The following NEMP2 variants were observed in gnomAD, a reference collection of about 807,000 sequenced individuals.
The protein encoded by NEMP2 is UPF0571 transmembrane protein.
In NEMP2, 53 loss-of-function variants were observed where a neutral mutation model predicts 54.2. That is an observed-to-expected ratio of 0.98 (90% CI 0.78 to 1.23). The LOEUF is 1.23. Among genes scored for constraint, NEMP2 ranks in the 50% most tolerant of loss-of-function variants. The probability of loss-of-function intolerance (pLI) is 0.00; values close to 1 mark genes in which losing one functional copy is unlikely to be tolerated. For missense variants in NEMP2, 455 were observed against 511.3 expected (o/e 0.89, Z 1.06); for synonymous variants, 197 against 190.3 (o/e 1.04, Z -0.29).
At chr2:190,537,432 C>T (rs764530240), upstream of NEMP2, among the ~76,000 whole-genome samples, 4 of 152,142 alleles carry the variant, frequency 2.6e-5, no homozygotes, top group African/African-American at 4.8e-5. Flanking sequence ...TGAAATCTGA[C>T]GGTTTTATAA....
chr2:190,473,795 A>C, the NEMP2 span, among the ~76,000 whole-genome samples: 24 of 152,130 alleles, frequency 1.6e-4, no homozygotes, highest in Non-Finnish European at 2.8e-4. Context: ...CCTATTCCAA[A>C]ATTGACCACA....
At position 190,531,931 on chromosome 2, in the gene NEMP2, A is replaced by G. The variant is rs1198184886; in HGVS notation, c.97+2628T>C. 6.6e-6 allele frequency among the ~76,000 whole-genome samples: 1 copy of G among 152,196 alleles called. No homozygotes were observed. The highest frequency in any genetic ancestry group is 1.5e-5 in the Non-Finnish European group (1 of 68,024). On this transcript the variant is annotated intron_variant, in intron 1 of 8. Coordinates refer to ENST00000409150, the MANE Select transcript of NEMP2 (RefSeq NM_001142645.2). This position sits in a 1 kb window ranked among gnomAD's most constrained non-coding sequence, Gnocchi z 4.7. ...GCAGAACCTAACTCCCAACACAAAA[A>G]TATCTCACCAATGTTCCTCCTGAAA...
Position 190,509,181 on chromosome 2 carries a change from G to A in NEMP2, c.*8C>T. On this transcript the variant is annotated 3_prime_UTR_variant, in exon 9 of 9. Coordinates refer to ENST00000409150, the MANE Select transcript of NEMP2 (RefSeq NM_001142645.2). This position sits in a 1 kb window ranked among gnomAD's most constrained non-coding sequence, Gnocchi z 6.1. ...TGTCCAGAATGAAGTCAACTTGAAG[G>A]TCGCATGTCAGGCAGTACTCGGGTT... 2 of 1,551,494 alleles carry A rather than the reference G, an allele frequency of 1.3e-6. No individual in the cohort carries two copies. The highest frequency in any genetic ancestry group is 1.7e-6 in the Non-Finnish European group (2 of 1,146,954).
the NEMP2 span, among the ~76,000 whole-genome samples, chr2:190,551,083 CTT>C: frequency 0.41 from 57,435 of 140,096 alleles, 12,607 homozygotes; most frequent in Non-Finnish European, 0.52. Flanking sequence ...AGCCAATGGA[CTT>C]TTTTTTTTTT....
the NEMP2 span, among the ~76,000 whole-genome samples, chr2:190,560,749 A>T: frequency 6.6e-6 from 1 of 152,210 alleles, no homozygotes. This position sits in a 1 kb window ranked among gnomAD's most constrained non-coding sequence, Gnocchi z 5.4. Flanking sequence ...CTTATTGTGC[A>T]TTTGGTTCAT....
At chr2:190,571,368 C>T in the NEMP2 span, among the ~76,000 whole-genome samples, 4 of 152,062 alleles carry the variant, frequency 2.6e-5, no homozygotes, top group Non-Finnish European at 5.9e-5. Context: ...CATGGTGAAA[C>T]ACTGTCTCTA....
At chr2:190,623,737 C>T in the NEMP2 span, among the ~76,000 whole-genome samples, 14 of 152,134 alleles carry the variant, frequency 9.2e-5, no homozygotes, top group African/African-American at 2.9e-4. Flanking sequence ...GGAAATGCTT[C>T]GGGACACTGG....
At chr2:190,556,078 A>G in the NEMP2 span, among the ~76,000 whole-genome samples, 1 of 152,390 alleles carries the variant, frequency 6.6e-6, no homozygotes, top group East Asian at 1.9e-4. Context: ...AAAATCCTCC[A>G]TAAAATACTG....
chr2:190,631,333 A>G, the NEMP2 span, among the ~76,000 whole-genome samples: 3 of 152,148 alleles, frequency 2.0e-5, no homozygotes, highest in African/African-American at 7.2e-5. Flanking sequence ...CTTTGCTACA[A>G]TCGTGTTGCA....
chr2:190,530,574 C>T lies in NEMP2; in HGVS notation c.97+3985G>A, dbSNP rs536715071. Among the ~76,000 whole-genome samples the T allele has an allele frequency of 6.6e-6, 1 of 152,284 alleles. No individual in the cohort carries two copies. The highest frequency in any genetic ancestry group is 1.9e-4 in the East Asian group (1 of 5,192). ...ACTGTTCTCTCTAGAGAGAACAGAT[C>T]TTCCAATCTTAGATTGATTATAAAG... is the stretch of plus-strand genomic sequence containing the variant. On this transcript the variant is annotated intron_variant, in intron 1 of 8. Coordinates refer to ENST00000409150, the MANE Select transcript of NEMP2 (RefSeq NM_001142645.2). This position sits in a 1 kb window ranked among gnomAD's most constrained non-coding sequence, Gnocchi z 4.6.
At chr2:190,497,488 T>C in the NEMP2 span, 1 of 1,614,194 alleles carries the variant, frequency 6.2e-7, no homozygotes, top group Non-Finnish European at 8.5e-7. The surrounding 1 kb of genome is among the most constrained non-coding windows in gnomAD (Gnocchi z 5.2). Context: ...GTCCCGTTCC[T>C]ATAGCAACCA....
chr2:190,497,582 G>T, the NEMP2 span: 1 of 1,614,156 alleles, frequency 6.2e-7, no homozygotes, highest in Non-Finnish European at 8.5e-7. This position sits in a 1 kb window ranked among gnomAD's most constrained non-coding sequence, Gnocchi z 5.2. Context: ...GCACCAGGAA[G>T]AACAGGAAGA....
chr2:190,640,683 T>C, the NEMP2 span, among the ~76,000 whole-genome samples: 2 of 152,140 alleles, frequency 1.3e-5, no homozygotes, highest in African/African-American at 2.4e-5. Context: ...GTAGGATATA[T>C]GCATTGTCCT....
the NEMP2 span, among the ~76,000 whole-genome samples, chr2:190,560,498 C>T: frequency 6.6e-6 from 1 of 152,182 alleles, no homozygotes; most frequent in Non-Finnish European, 1.5e-5. The surrounding 1 kb of genome is among the most constrained non-coding windows in gnomAD (Gnocchi z 5.4). Context: ...TAACAGCATA[C>T]ATAATGTAAA....
chr2:190,493,653 T>C, the NEMP2 span, among the ~76,000 whole-genome samples: 8 of 152,088 alleles, frequency 5.3e-5, no homozygotes, highest in East Asian at 1.9e-4. Context: ...TTTAAGAAAA[T>C]TGAAATTATA....
the NEMP2 span, among the ~76,000 whole-genome samples, chr2:190,616,243 CCCAAATA>C: frequency 6.6e-6 from 1 of 152,110 alleles, no homozygotes; most frequent in Admixed American, 6.5e-5. The surrounding 1 kb of genome is among the most constrained non-coding windows in gnomAD (Gnocchi z 5.1). Flanking sequence ...GGGGCATGGG[CCCAAATA>C]CTGAGGGGCA....
chr2:190,500,009 C>T, downstream of NEMP2: 5 of 1,614,068 alleles, frequency 3.1e-6, no homozygotes, highest in Middle Eastern at 1.6e-4. This position sits in a 1 kb window ranked among gnomAD's most constrained non-coding sequence, Gnocchi z 5.3. Context: ...TGTTTTTTAC[C>T]TCCAGGGGAC....
Position 190,507,353 on chromosome 2 carries a change from G to C in NEMP2, c.*1836C>G, listed in dbSNP as rs1415417203. The C allele has an allele frequency of 6.6e-6, 1 of 152,182 alleles. No homozygotes were observed. Among genetic ancestry groups the C allele is most frequent in the Admixed American group, 6.5e-5 (1 of 15,272 alleles). 9.4% of individuals were successfully genotyped at this position (152,182 alleles called of 1,614,324 possible). A position where few individuals can be genotyped will look rare whatever the true frequency, so the allele number is the denominator to read the frequency against. On this transcript the variant is annotated 3_prime_UTR_variant, in exon 9 of 9. Transcript: ENST00000409150. The surrounding 1 kb of genome is among the most constrained non-coding windows in gnomAD (Gnocchi z 4.4). ...ACCTCTTCCCCCTGGCCCAGCGGCT[G>C]TCCTGGCTGGGATGTACCTGGCAGC...
the NEMP2 span, among the ~76,000 whole-genome samples, chr2:190,446,279 T>C: frequency 6.6e-6 from 1 of 152,182 alleles, no homozygotes; most frequent in Admixed American, 6.6e-5. Flanking sequence ...AAGAGTATGC[T>C]GTTTTCACAA....
Sources: allele counts gnomAD v4.1 joint callset (sites outside exome capture counted in the v4.1 genomes callset), GRCh38; gene constraint gnomAD v4.1.1; non-coding constraint Gnocchi (gnomAD v3.1); transcripts MANE v1.5; gene names NCBI Gene and HGNC (gene_info 2026-07-23, HGNC 2026-07-21).